Variants in CLMN observed in about 807,000 individuals in gnomAD.
The protein encoded by CLMN is calmin.
A neutral mutation model predicts 92.7 loss-of-function variants in CLMN; 57 were observed. The ratio of observed to expected loss-of-function variants is 0.61; its 90% CI spans 0.50 to 0.77. The LOEUF (loss-of-function observed/expected upper bound fraction) is 0.77. Ranked by LOEUF, CLMN falls within the 30% of genes least tolerant of loss-of-function variation. The probability of loss-of-function intolerance (pLI) is 0.00; values close to 1 mark genes in which losing one functional copy is unlikely to be tolerated. For missense variants in CLMN, 1,158 were observed against 1,237.5 expected, an observed-to-expected ratio of 0.94 and a Z score of 0.96; for synonymous variants, 466 against 470.6, an observed-to-expected ratio of 0.99 and a Z score of 0.13.
chr14:95,221,797 A>G, intron 3 of CLMN, 23 bp from the exon 4 acceptor site: 1 of 1,611,054 alleles, frequency 6.2e-7, no homozygotes, highest in Non-Finnish European at 8.5e-7. Flanking sequence ...ACAGAACAAA[A>G]CAAGCACATT....
intron 1 of CLMN, among the ~76,000 whole-genome samples, chr14:95,301,396 C>T (rs1901048646): frequency 6.6e-6 from 1 of 152,206 alleles, no homozygotes; most frequent in Non-Finnish European, 1.5e-5. Context: ...TGTGGACTCA[C>T]TCAAGGATGT....
At chr14:95,245,248 A>AT (rs1566891314) in intron 1 of CLMN, among the ~76,000 whole-genome samples, 30 of 36,554 alleles carry the variant, frequency 8.2e-4, no homozygotes, top group African/African-American at 4.9e-3. Context: ...TTATATATAT[A>AT]TATATAATAT....
At position 95,188,769 on chromosome 14, in the gene CLMN, C is replaced by A. The variant is rs757320561; in HGVS notation, c.*2795G>T. 1.2e-4 allele frequency: 18 copies of A among 151,964 alleles called. No individual in the cohort carries two copies. The highest frequency in any genetic ancestry group is 9.8e-4 in the Admixed American group (15 of 15,276). The allele number at this position is 151,964 out of a possible 1,614,324, so 9.4% of individuals were successfully genotyped here. On this transcript the variant is annotated 3_prime_UTR_variant, in exon 13 of 13. Coordinates refer to ENST00000298912, the MANE Select transcript of CLMN (RefSeq NM_024734.4). ...AAAACCTAAGTCACATATAAAGGTA[C>A]GGGAATCAGAATGGCATCAGAAATC...
chr14:95,272,170 C>T (rs1899735973), intron 1 of CLMN, among the ~76,000 whole-genome samples: 1 of 152,172 alleles, frequency 6.6e-6, no homozygotes, highest in African/African-American at 2.4e-5. Flanking sequence ...CCTCAGCCTA[C>T]TGGTGGCAAA....
intron 1 of CLMN, among the ~76,000 whole-genome samples, chr14:95,310,116 C>CCCCTT (rs142016308): frequency 1.9e-3 from 289 of 152,292 alleles, no homozygotes; most frequent in East Asian, 7.3e-3. Context: ...TGTGCTGGCT[C>CCCCTT]CCCTTCCCTT....
At chr14:95,293,194 T>TC (rs112998151) in intron 1 of CLMN, among the ~76,000 whole-genome samples, 3 of 80,578 alleles carry the variant, frequency 3.7e-5, no homozygotes. Flanking sequence ...CCTCCTTCTT[T>TC]CCCCCCCTTC....
At chr14:95,218,685 C>T (rs938233386) in intron 4 of CLMN, among the ~76,000 whole-genome samples, 2 of 152,326 alleles carry the variant, frequency 1.3e-5, no homozygotes, top group Non-Finnish European at 2.9e-5. Context: ...CTGGCTCACT[C>T]CCCTGGGCTT....
At chr14:95,195,970 T>A (rs973143391) in intron 10 of CLMN, among the ~76,000 whole-genome samples, 7 of 152,326 alleles carry the variant, frequency 4.6e-5, no homozygotes, top group African/African-American at 1.7e-4. Flanking sequence ...TCCCTCCTTC[T>A]CCCAAGCTAA....
chr14:95,210,495 A>C (rs527538958), intron 7 of CLMN, among the ~76,000 whole-genome samples, 191 bp downstream of exon 7: 1 of 152,344 alleles, frequency 6.6e-6, no homozygotes, highest in African/African-American at 2.4e-5. Flanking sequence ...AAATGATAAC[A>C]ATTATGTAAA....
chr14:95,262,859 C>T (rs1010075948), intron 1 of CLMN, among the ~76,000 whole-genome samples: 8 of 152,228 alleles, frequency 5.3e-5, no homozygotes, highest in African/African-American at 1.9e-4. Flanking sequence ...AGCTACTGTG[C>T]CCAGCCTCCC....
At chr14:95,286,566 A>C (rs1283945533) in intron 1 of CLMN, among the ~76,000 whole-genome samples, 1 of 152,152 alleles carries the variant, frequency 6.6e-6, no homozygotes, top group Non-Finnish European at 1.5e-5. Context: ...ATGGTTGTAC[A>C]CTCTGAATGT....
intron 1 of CLMN, among the ~76,000 whole-genome samples, chr14:95,279,298 T>G (rs1900052775): frequency 6.6e-6 from 1 of 152,264 alleles, no homozygotes; most frequent in Non-Finnish European, 1.5e-5. Context: ...GATATTAGGT[T>G]TGTTAAATGC....
intron 2 of CLMN, among the ~76,000 whole-genome samples, chr14:95,225,385 C>T (rs1280868024): frequency 6.6e-6 from 1 of 152,204 alleles, no homozygotes; most frequent in Non-Finnish European, 1.5e-5. Flanking sequence ...TACTTGTCTG[C>T]AATGTCAGGT....
intron 1 of CLMN, among the ~76,000 whole-genome samples, chr14:95,249,865 A>C (rs544888462): frequency 6.6e-6 from 1 of 152,280 alleles, no homozygotes; most frequent in South Asian, 2.1e-4. Flanking sequence ...TCAAGTTAGC[A>C]ATCTTCCTGG....
chr14:95,311,515 C>G (rs1356224276), intron 1 of CLMN, among the ~76,000 whole-genome samples: 1 of 152,098 alleles, frequency 6.6e-6, no homozygotes, highest in Non-Finnish European at 1.5e-5. Context: ...CCTAACAACC[C>G]CAGGGCCTTT....
chr14:95,286,634 C>T (rs186237975), intron 1 of CLMN, among the ~76,000 whole-genome samples: 117 of 152,212 alleles, frequency 7.7e-4, no homozygotes, highest in African/African-American at 2.6e-3. Flanking sequence ...GTGTGATTTT[C>T]GGCTCAGTTA....
intron 1 of CLMN, among the ~76,000 whole-genome samples, chr14:95,257,088 A>T (rs10132590): frequency 0.24 from 36,601 of 152,098 alleles, 5,925 homozygotes; most frequent in African/African-American, 0.46. Flanking sequence ...TCAGACCAAA[A>T]ATATTTAATA....
chr14:95,226,700 T>C (rs1252066726), intron 2 of CLMN, among the ~76,000 whole-genome samples: 1 of 152,122 alleles, frequency 6.6e-6, no homozygotes, highest in Non-Finnish European at 1.5e-5. Flanking sequence ...CCCAGCCTCT[T>C]AAATAGTTGG....
chr14:95,211,897 G>A lies in CLMN; in HGVS notation c.609-1018C>T, dbSNP rs377685955. On this transcript the variant is annotated intron_variant, in intron 6 of 12. Transcript: ENST00000298912. ...TTTCACAGGTGTTACTTTTCATGGC[G>A]GTGGTGTACAGATTAATGTAACCAC... is the stretch of plus-strand genomic sequence containing the variant. Among the ~76,000 whole-genome samples, 268 of 152,178 alleles carry A rather than the reference G, an allele frequency of 1.8e-3. 1 individual carries two copies. Among genetic ancestry groups the A allele is most frequent in the African/African-American group, 6.1e-3 (254 of 41,502 alleles).
Sources: gnomAD v4.1 joint callset for allele counts (sites outside exome capture counted in the v4.1 genomes callset) on GRCh38, gnomAD v4.1.1 for gene constraint, MANE v1.5 for transcripts, NCBI Gene and HGNC (gene_info 2026-07-23, HGNC 2026-07-21) for gene names.